The following MLIP variants were observed in gnomAD, a reference collection of about 807,000 sequenced individuals.
The protein encoded by MLIP is muscular LMNA-interacting protein.
MLIP carries 79 observed loss-of-function variants against 84.8 expected under a neutral mutation model. That is an observed-to-expected ratio of 0.93 (90% CI 0.78 to 1.12). The LOEUF (loss-of-function observed/expected upper bound fraction) is 1.12, where lower values mean the gene tolerates loss of function less well. Ranked by LOEUF, MLIP falls within the 50% of genes most tolerant of loss-of-function variation. The probability of loss-of-function intolerance (pLI) is 0.00; values close to 1 mark genes in which losing one functional copy is unlikely to be tolerated. For missense variants in MLIP, 1,257 were observed against 1,160.6 expected (o/e 1.08, Z -1.21); for synonymous variants, 504 against 463.0 (o/e 1.09, Z -1.14).
chr6:54,163,659 G>A (rs575596913), intron 8 of MLIP, among the ~76,000 whole-genome samples: 21 of 151,900 alleles, frequency 1.4e-4, no homozygotes, highest in African/African-American at 4.6e-4. Context: ...TAATCAACCT[G>A]TATATACAAA....
At chr6:54,076,904 G>A (rs1230026487) in intron 1 of MLIP, among the ~76,000 whole-genome samples, 1 of 152,072 alleles carries the variant, frequency 6.6e-6, no homozygotes, top group Non-Finnish European at 1.5e-5. Context: ...AAAAAAAAGA[G>A]ACAGAAATAA....
At chr6:54,173,149 G>T (rs1307446903) in intron 9 of MLIP, among the ~76,000 whole-genome samples, 1 of 151,568 alleles carries the variant, frequency 6.6e-6, no homozygotes, top group Non-Finnish European at 1.5e-5. Flanking sequence ...TATGAGGTGG[G>T]TATTCTTATT....
intron 10 of MLIP, among the ~76,000 whole-genome samples, chr6:54,194,964 T>C (rs894948677): frequency 1.3e-5 from 2 of 152,098 alleles, no homozygotes; most frequent in Admixed American, 6.6e-5. Context: ...TATAATAATG[T>C]TTGTTTAAAA....
intron 1 of MLIP, among the ~76,000 whole-genome samples, chr6:54,027,404 CACACACACACACACACAT>C (rs1439307587): frequency 5.3e-5 from 7 of 130,912 alleles, no homozygotes; most frequent in South Asian, 2.8e-4. Flanking sequence ...CACACACACA[CACACACACACACACACAT>C]ATATACATAA....
intron 9 of MLIP, among the ~76,000 whole-genome samples, chr6:54,171,160 A>G (rs1775733919): frequency 6.6e-6 from 1 of 151,516 alleles, no homozygotes; most frequent in East Asian, 1.9e-4. Context: ...GGCTTCTTCA[A>G]TCTCCATAGT....
At chr6:54,124,935 T>G in intron 3 of MLIP, 70 bp downstream of exon 3, 4 of 1,399,432 alleles carry the variant, frequency 2.9e-6, no homozygotes, top group Middle Eastern at 2.4e-4. Context: ...TTGGGCGGTC[T>G]GCAAAGGCCA....
chr6:54,136,724 T>C lies in MLIP; in HGVS notation c.655T>C (p.Ser219Pro). 6.8e-7 allele frequency: 1 copy of C among 1,479,814 alleles called. No homozygotes were observed. The allele number at this position is 1,479,814 out of a possible 1,614,324, so 91.7% of individuals were successfully genotyped here. A position where few individuals can be genotyped will look rare whatever the true frequency, so the allele number is the denominator to read the frequency against. The part of the protein sequence containing the change: ...PQQKHGQLTS[S>P]PTTSEQLACK... ...TTTCTCTTTCCTCTAGTTAACTTCT[T>C]CTCCCACTACCTCTGAGCAGCTTGC... The change falls in exon 4 of 14, where the codon TCT (serine) becomes CCT (proline). Residue 219 changes from serine (S) to proline (P), a missense_variant. Physicochemically the swap from Ser to Pro is moderately conservative, Grantham distance 74 (BLOSUM62 -1). Transcript: ENST00000502396.
rs114397993 is a variant in MLIP at position 54,222,728 on chromosome 6, A to G, written c.2719-7986A>G. On this transcript the variant is annotated intron_variant, in intron 11 of 13. Transcript: ENST00000502396. ...GACACTGATTTAATTTCCTTTGATG[A>G]TATACCCAGAAGTGGGATCGATGCA... Among the ~76,000 whole-genome samples the G allele has an allele frequency of 8.4e-3, 1,283 of 152,162 alleles. 22 individuals carry two copies. Among genetic ancestry groups the G allele is most frequent in the African/African-American group, 0.028 (1,155 of 41,558 alleles).
intron 12 of MLIP, among the ~76,000 whole-genome samples, chr6:54,239,165 A>C (rs1041575496): frequency 1.3e-5 from 2 of 151,830 alleles, no homozygotes; most frequent in Non-Finnish European, 2.9e-5. Context: ...GCCAGAGCAG[A>C]CTATTCATCT....
chr6:54,177,890 T>G (rs972769240), intron 9 of MLIP, among the ~76,000 whole-genome samples: 1 of 152,242 alleles, frequency 6.6e-6, no homozygotes, highest in Non-Finnish European at 1.5e-5. Context: ...TCATGTCTTT[T>G]GCGGGAACAT....
intron 13 of MLIP, among the ~76,000 whole-genome samples, chr6:54,258,637 A>T (rs1009629606): frequency 6.6e-6 from 1 of 152,048 alleles, no homozygotes; most frequent in Non-Finnish European, 1.5e-5. Flanking sequence ...TCTTGGCAGC[A>T]TTGAGAATTA....
rs148490824 is a variant in MLIP, at chr6:54,130,253, A to G, written c.645+5388A>G. Among the ~76,000 whole-genome samples, 37 of 152,292 alleles carry G rather than the reference A, an allele frequency of 2.4e-4. No homozygotes were observed. In the East Asian group the frequency reaches 6.7e-3, roughly 28 times the overall value. On this transcript the variant is annotated intron_variant, in intron 3 of 13. Coordinates refer to ENST00000502396, the MANE Select transcript of MLIP (RefSeq NM_001281747.2). ...AAAGGAAGAACATATCTGGAAAATC[A>G]AGTCGCTGTGACAATTCCAGCAGAA...
chr6:54,260,887 C>T (rs992952174), intron 13 of MLIP, among the ~76,000 whole-genome samples: 1 of 151,870 alleles, frequency 6.6e-6, no homozygotes, highest in Admixed American at 6.6e-5. Flanking sequence ...TTAGGGCATT[C>T]CAAACAGTGT....
At chr6:54,155,210 T>TC (rs1178704943) in intron 5 of MLIP, among the ~76,000 whole-genome samples, 3 of 152,166 alleles carry the variant, frequency 2.0e-5, no homozygotes, top group Non-Finnish European at 4.4e-5. Context: ...GTACTTTTTT[T>TC]CCTTTTCTTC....
intron 12 of MLIP, among the ~76,000 whole-genome samples, chr6:54,235,914 T>A (rs1200167883): frequency 6.6e-6 from 1 of 152,190 alleles, no homozygotes; most frequent in Non-Finnish European, 1.5e-5. Context: ...GGTTACATCC[T>A]TTTTTCTTCA....
At chr6:54,235,219 A>G (rs890084704) in intron 12 of MLIP, among the ~76,000 whole-genome samples, 3 of 152,090 alleles carry the variant, frequency 2.0e-5, no homozygotes, top group Non-Finnish European at 4.4e-5. Context: ...AGTCTTTATT[A>G]TTATTCTTTT....
chr6:54,039,393 T>C (rs1764620888), intron 1 of MLIP, among the ~76,000 whole-genome samples: 1 of 151,926 alleles, frequency 6.6e-6, no homozygotes. Flanking sequence ...TGAATGCTAC[T>C]GAAATGTATT....
chr6:54,117,211 C>CTTT lies in MLIP; in HGVS notation c.97-4216_97-4214dup, dbSNP rs200691416. On this transcript the variant is annotated intron_variant, in intron 1 of 13. Coordinates refer to ENST00000502396, the MANE Select transcript of MLIP (RefSeq NM_001281747.2). Reference sequence around the variant, plus strand: ...GACAAGGATGCCACTCTATTTCTGTCTTTTTTTTTTTTTTTTTTTTTTGAG... The same window carrying CTTT: ...GACAAGGATGCCACTCTATTTCTGTCTTTTTTTTTTTTTTTTTTTTTTTTTGAG... 3.9e-3 allele frequency among the ~76,000 whole-genome samples: 465 copies of CTTT among 117,746 alleles called. 14 individuals are homozygous for CTTT. The highest frequency in any genetic ancestry group is 0.01 in the African/African-American group (323 of 31,800). The allele number at this position is 117,746 out of a possible 152,430, so 77.2% of individuals were successfully genotyped here. A position where few individuals can be genotyped will look rare whatever the true frequency, so the allele number is the denominator to read the frequency against.
chr6:54,150,138 C>G (rs570390774), intron 5 of MLIP, among the ~76,000 whole-genome samples: 10 of 152,226 alleles, frequency 6.6e-5, no homozygotes, highest in South Asian at 6.2e-4. Flanking sequence ...TTTGTATGAT[C>G]TCTTATCTAA....
Sources: gnomAD v4.1 joint callset for allele counts (sites outside exome capture counted in the v4.1 genomes callset) on GRCh38, gnomAD v4.1.1 for gene constraint, MANE v1.5 for transcripts, NCBI Gene and HGNC (gene_info 2026-07-23, HGNC 2026-07-21) for gene names.